The following CCDC38 variants were observed in gnomAD, a reference collection of about 807,000 sequenced individuals.
The protein encoded by CCDC38 is coiled-coil domain-containing protein 38.
In CCDC38, 69 loss-of-function variants were observed where a neutral mutation model predicts 72.8. The ratio of observed to expected loss-of-function variants is 0.95; its 90% CI spans 0.78 to 1.16. The LOEUF (loss-of-function observed/expected upper bound fraction) is 1.16, where lower values mean the gene tolerates loss of function less well. Among genes scored for constraint, CCDC38 ranks in the 50% most tolerant of loss-of-function variants. The pLI is 0.00. For synonymous variants in CCDC38, 201 were observed against 213.2 expected (o/e 0.94, Z 0.50); for missense variants, 626 against 638.9 (o/e 0.98, Z 0.22).
intron 4 of CCDC38, 58 bp from the exon 5 acceptor site, chr12:95,906,509 TAAA>T: frequency 2.5e-6 from 3 of 1,187,958 alleles, no homozygotes; most frequent in Non-Finnish European, 3.7e-6. Flanking sequence ...AAATGCTGTA[TAAA>T]ATAAAAGCCA....
At chr12:95,869,453 G>A in intron 15 of CCDC38, 27 bp downstream of exon 15, 2 of 1,543,712 alleles carry the variant, frequency 1.3e-6, no homozygotes, top group African/African-American at 1.4e-5. Context: ...TATTGATATG[G>A]CTGGATCTAT....
chr12:95,913,317 G>C (rs1482032477), intron 4 of CCDC38, among the ~76,000 whole-genome samples: 1 of 152,112 alleles, frequency 6.6e-6, no homozygotes, highest in Non-Finnish European at 1.5e-5. Flanking sequence ...GCCCCTCTCT[G>C]TGAGAGGATT....
intron 14 of CCDC38, among the ~76,000 whole-genome samples, chr12:95,871,573 C>T (rs1179521161): frequency 6.6e-6 from 1 of 152,098 alleles, no homozygotes; most frequent in African/African-American, 2.4e-5. Context: ...CCATACCGCC[C>T]TCAATGCACA....
chr12:95,903,592 A>G (rs1374344905), intron 5 of CCDC38: 3 of 584,532 alleles, frequency 5.1e-6, no homozygotes, highest in African/African-American at 3.7e-5. Flanking sequence ...GAGAGTCTCC[A>G]TCAAGAATGA....
rs188511873 is a variant in CCDC38 at position 95,901,137 on chromosome 12, G to A, written c.370-2406C>T. ...GGCTTGGACTGCAGTAGTAGCTGTG[G>A]AGGTCATGAACAGTAGTCTGATTAT... On this transcript the variant is annotated intron_variant, in intron 5 of 15. Coordinates refer to ENST00000344280, the MANE Select transcript of CCDC38 (RefSeq NM_182496.3). Among the ~76,000 whole-genome samples the A allele has an allele frequency of 2.2e-3, 336 of 152,352 alleles. 1 individual carries two copies. The highest frequency in any genetic ancestry group is 7.9e-3 in the African/African-American group (328 of 41,582).
At chr12:95,904,298 C>T (rs1265760140) in intron 5 of CCDC38, among the ~76,000 whole-genome samples, 1 of 152,264 alleles carries the variant, frequency 6.6e-6, no homozygotes, top group East Asian at 1.9e-4. Context: ...TTACAAGTTA[C>T]CCAGAGTTAG....
At chr12:95,925,437 G>T (rs895685350) in intron 2 of CCDC38, among the ~76,000 whole-genome samples, 29 of 152,158 alleles carry the variant, frequency 1.9e-4, no homozygotes, top group African/African-American at 6.0e-4. Context: ...AAGGAGATTT[G>T]GGGCTGAGAC....
intron 1 of CCDC38, 23 bp from the exon 2 acceptor site, chr12:95,936,546 G>A (rs370077156): frequency 6.9e-5 from 110 of 1,601,146 alleles, no homozygotes; most frequent in African/African-American, 5.4e-4. Flanking sequence ...AAAAAAATAC[G>A]TTTTTTAAAA....
intron 4 of CCDC38, among the ~76,000 whole-genome samples, chr12:95,913,624 G>A (rs563966628): frequency 6.6e-6 from 1 of 152,122 alleles, no homozygotes; most frequent in Admixed American, 6.5e-5. Context: ...AGTAAGCCCG[G>A]GTAGATACAC....
At chr12:95,894,037 G>A (rs773888554) in intron 8 of CCDC38, among the ~76,000 whole-genome samples, 5 of 152,114 alleles carry the variant, frequency 3.3e-5, no homozygotes, top group Non-Finnish European at 7.4e-5. Context: ...TGGCCAACAT[G>A]GTGAAACCCC....
At chr12:95,898,803 A>C (rs2079921194) in intron 5 of CCDC38, 72 bp from the exon 6 acceptor site, 1 of 1,392,492 alleles carries the variant, frequency 7.2e-7, no homozygotes, top group South Asian at 1.3e-5. Context: ...TCTTATACAC[A>C]GCAAGTGAAC....
At position 95,869,494 on chromosome 12, in the gene CCDC38, G is replaced by A. The variant is rs2079557463; in HGVS notation, c.1564C>T (p.Gln522Ter). 1 of 1,612,636 alleles carries A rather than the reference G, an allele frequency of 6.2e-7. No homozygotes were observed. Among genetic ancestry groups the A allele is most frequent in the African/African-American group, 1.3e-5 (1 of 74,798 alleles). ...LKAALEKAVAQPKKKLGRRLV... is the reference protein window; with the variant it reads ...LKAALEKAVA ...GCAAAACAAACCTTTTTCTTTGGTT[G>A]TGCTACTGCTTTTTCCAGAGCAGCT... The change falls in exon 15 of 16, where the codon CAA becomes TAA. Residue 522 changes from glutamine to a stop codon, truncating the protein, a stop_gained. Transcript: ENST00000344280. LOFTEE classifies it high-confidence loss of function.
chr12:95,898,535 T>A, intron 6 of CCDC38, 33 bp downstream of exon 6: 1 of 1,588,150 alleles, frequency 6.3e-7, no homozygotes, highest in South Asian at 1.1e-5. Flanking sequence ...ACAAAAGAGG[T>A]GGGAAGGATT....
chr12:95,885,236 TCGACC>T (rs1179220012), intron 10 of CCDC38: 1 of 153,274 alleles, frequency 6.5e-6, no homozygotes, highest in Non-Finnish European at 1.5e-5. Context: ...TCTTCTGGAC[TCGACC>T]CAGTCCTAAG....
At chr12:95,883,893 C>G (rs1211136835) in intron 10 of CCDC38, among the ~76,000 whole-genome samples, 1 of 152,162 alleles carries the variant, frequency 6.6e-6, no homozygotes, top group Non-Finnish European at 1.5e-5. Context: ...ATTCAACACT[C>G]ATTTTGATAA....
intron 5 of CCDC38, 58 bp from the exon 6 acceptor site, chr12:95,898,789 A>G (rs755371463): frequency 3.5e-5 from 51 of 1,477,462 alleles, no homozygotes; most frequent in Non-Finnish European, 4.4e-5. Flanking sequence ...AGTAATTTCA[A>G]CAGTCTTATA....
intron 10 of CCDC38, among the ~76,000 whole-genome samples, chr12:95,882,130 C>T (rs1407985126): frequency 6.6e-6 from 1 of 152,126 alleles, no homozygotes; most frequent in Non-Finnish European, 1.5e-5. Flanking sequence ...CTGGAAAAAT[C>T]CTGTAAGAAA....
intron 5 of CCDC38, chr12:95,903,533 G>A (rs2079971388): frequency 4.3e-6 from 3 of 689,712 alleles, no homozygotes; most frequent in Non-Finnish European, 7.9e-6. Flanking sequence ...GTTTCTAGTA[G>A]ATGTCCTTTT....
Position 95,888,477 on chromosome 12 carries a change from G to A in CCDC38, c.901C>T (p.Pro301Ser). Residue 301 changes from proline to serine, a missense_variant, in exon 10 of 16, where the codon CCA (proline) becomes TCA (serine). Coordinates refer to ENST00000344280, the MANE Select transcript of CCDC38 (RefSeq NM_182496.3). ...GKPSRSLTRTPEKKKSNLAES... is the reference protein window; with the variant it reads ...GKPSRSLTRTSEKKKSNLAES... ...CTGTACTTTGATTTCTTTTTCTCTG[G>A]AGTGCGAGTCAGGCTTCTGCTTGGC... 1.2e-6 allele frequency: 2 copies of A among 1,614,042 alleles called. No individual in the cohort carries two copies. Among genetic ancestry groups the A allele is most frequent in the Non-Finnish European group, 1.7e-6 (2 of 1,180,010 alleles).
Sources: allele counts gnomAD v4.1 joint callset (sites outside exome capture counted in the v4.1 genomes callset), GRCh38; gene constraint gnomAD v4.1.1; transcripts MANE v1.5; gene names NCBI Gene and HGNC (gene_info 2026-07-23, HGNC 2026-07-21).